SOX13: variants seen among roughly 807,000 people sequenced by gnomAD.
The protein encoded by SOX13 is SRY-box transcription factor 13, also known as transcription factor SOX-13.
A neutral mutation model predicts 71.8 loss-of-function variants in SOX13; 28 were observed. The observed-to-expected ratio is 0.39, with a 90% confidence interval of 0.29 to 0.53. The LOEUF (loss-of-function observed/expected upper bound fraction) is 0.53, where lower values mean the gene tolerates loss of function less well. SOX13 is among the 20% of genes least tolerant of loss of function. The probability of loss-of-function intolerance (pLI) is 0.70; values close to 1 mark genes in which losing one functional copy is unlikely to be tolerated. For synonymous variants in SOX13, 309 were observed against 317.8 expected, an observed-to-expected ratio of 0.97 and a Z score of 0.29; for missense variants, 627 against 810.3, an observed-to-expected ratio of 0.77 and a Z score of 2.75.
At position 204,117,093 on chromosome 1, in the gene SOX13, C is replaced by T. The variant is rs1016238131; in HGVS notation, c.592-29C>T. ...GGGCACCAGGGCTAATGTCCGTGAC[C>T]CCCTCTGCCTACTCTTTCCCTCTCC... On this transcript the variant is annotated intron_variant, in intron 5 of 13. Coordinates refer to ENST00000367204, the MANE Select transcript of SOX13 (RefSeq NM_005686.3). 7.4e-6 allele frequency: 12 copies of T among 1,611,362 alleles called. 1 individual carries two copies. Among genetic ancestry groups the T allele is most frequent in the Non-Finnish European group, 1.0e-5 (12 of 1,177,796 alleles).
chr1:204,126,308 C>T lies in SOX13; in HGVS notation c.*174C>T. 1 of 708,552 alleles carries T rather than the reference C, an allele frequency of 1.4e-6. No homozygotes were observed. The highest frequency in any genetic ancestry group is 1.9e-5 in the South Asian group (1 of 53,450). The allele number at this position is 708,552 out of a possible 1,614,324, so 43.9% of individuals were successfully genotyped here. The stretch of plus-strand genomic sequence containing the variant: ...ATGAGGGGAGAGGCGCCCTCCCTTC[C>T]TGAGGAGCTGTTGGCCTGGGTGGGC... On this transcript the variant is annotated 3_prime_UTR_variant, in exon 14 of 14. Transcript: ENST00000367204.
intron 1 of SOX13, among the ~76,000 whole-genome samples, chr1:204,097,950 T>C (rs1378096207): frequency 2.0e-5 from 3 of 152,030 alleles, no homozygotes; most frequent in Non-Finnish European, 4.4e-5. Flanking sequence ...CACTGCAGCC[T>C]CAACCTCAAG....
At chr1:204,119,844 C>CAA (rs78139704) in intron 7 of SOX13, 8 of 79,130 alleles carry the variant, frequency 1.0e-4, no homozygotes, top group Admixed American at 2.8e-4. Context: ...CCTGTCTCTA[C>CAA]AAAAAAAAAA....
At chr1:204,087,673 A>G (rs1656053436) in intron 1 of SOX13, among the ~76,000 whole-genome samples, 2 of 152,202 alleles carry the variant, frequency 1.3e-5, no homozygotes, top group Admixed American at 1.3e-4. Context: ...TCTTGCTATA[A>G]AGTAAGAATT....
intron 1 of SOX13, among the ~76,000 whole-genome samples, chr1:204,091,382 G>A (rs867594759): frequency 6.6e-5 from 10 of 152,198 alleles, no homozygotes; most frequent in Non-Finnish European, 8.8e-5. Flanking sequence ...GTTCAGGATC[G>A]AGGAATATTG....
At chr1:204,074,067 C>G (rs1655732185) in intron 1 of SOX13, 1 of 152,078 alleles carries the variant, frequency 6.6e-6, no homozygotes. Context: ...CCGCTCCTCG[C>G]CGACCGCAGA....
rs770131591 is a variant in SOX13 at position 204,113,152 on chromosome 1, G to T, written c.219+18G>T. ...GCTCCTGGGTCAGTGTCCCCGCCCT[G>T]CCTCCATCCTCACACCCATGCGCTG... is the stretch of plus-strand genomic sequence containing the variant. On this transcript the variant is annotated intron_variant, in intron 2 of 13. Transcript: ENST00000367204. 15 of 1,513,878 alleles carry T rather than the reference G, an allele frequency of 9.9e-6. 1 individual carries two copies. In the South Asian group the frequency reaches 1.9e-4, roughly 19 times the overall value. The allele number at this position is 1,513,878 out of a possible 1,614,324, so 93.8% of individuals were successfully genotyped here. A position where few individuals can be genotyped will look rare whatever the true frequency, so the allele number is the denominator to read the frequency against.
chr1:204,114,613 C>T lies in SOX13; in HGVS notation c.418+8C>T. On this transcript the variant is annotated splice_region_variant and intron_variant, in intron 4 of 13. Coordinates refer to ENST00000367204, the MANE Select transcript of SOX13 (RefSeq NM_005686.3). ...AAGCCAAAGATGTCAAAGGTGAAGG[C>T]CTGTTGGGGGTGGGGGAGATGTTTG... 1 of 1,603,354 alleles carries T rather than the reference C, an allele frequency of 6.2e-7. No individual in the cohort carries two copies.
At chr1:204,110,343 A>AGC (rs1656555494) in intron 1 of SOX13, among the ~76,000 whole-genome samples, 3 of 143,034 alleles carry the variant, frequency 2.1e-5, no homozygotes, top group African/African-American at 7.6e-5. Flanking sequence ...TGCTCATGCT[A>AGC]ATGGGCAACA....
rs1249306731 is a variant in SOX13, at chr1:204,083,166, G to C, written c.-2+9455G>C. On this transcript the variant is annotated intron_variant, in intron 1 of 13. Transcript: ENST00000367204. The stretch of plus-strand genomic sequence containing the variant: ...CCAGAATTGTGTGTGTAGTGGGGAA[G>C]GGGGTTGTGTGTGAGTGTTGGTGTG... Among the ~76,000 whole-genome samples the C allele has an allele frequency of 3.9e-5, 6 of 152,288 alleles. No individual in the cohort carries two copies. In the South Asian group the frequency reaches 8.3e-4, roughly 21 times the overall value.
At chr1:204,095,786 T>C (rs1656239883) in intron 1 of SOX13, among the ~76,000 whole-genome samples, 1 of 152,186 alleles carries the variant, frequency 6.6e-6, no homozygotes, top group South Asian at 2.1e-4. Context: ...TTTTTCATCT[T>C]CCCAAACTGA....
intron 1 of SOX13, among the ~76,000 whole-genome samples, chr1:204,099,729 C>A (rs1186322539): frequency 6.6e-6 from 1 of 152,006 alleles, no homozygotes; most frequent in Non-Finnish European, 1.5e-5. Context: ...TCAGGTTTTT[C>A]ATCTGTAAAG....
intron 1 of SOX13, among the ~76,000 whole-genome samples, chr1:204,108,603 G>A (rs2102248907): frequency 6.6e-6 from 1 of 152,336 alleles, no homozygotes; most frequent in Non-Finnish European, 1.5e-5. Flanking sequence ...GGAGGCCCCT[G>A]AAGTTGGGAC....
rs542646408 is a variant in SOX13, at chr1:204,075,439, C to G, written c.-2+1728C>G. 2.6e-5 allele frequency among the ~76,000 whole-genome samples: 4 copies of G among 152,378 alleles called. No individual in the cohort carries two copies. The East Asian group carries it at 7.7e-4, about 29-fold the overall frequency. On this transcript the variant is annotated intron_variant, in intron 1 of 13. Coordinates refer to ENST00000367204, the MANE Select transcript of SOX13 (RefSeq NM_005686.3). ...CTGTGCTTCATTAGAAAGCGCTTCA[C>G]AAGATGCTGGGATTCAGCACATTTG...
intron 1 of SOX13, among the ~76,000 whole-genome samples, chr1:204,103,523 A>G (rs965550192): frequency 6.6e-6 from 1 of 152,258 alleles, no homozygotes; most frequent in African/African-American, 2.4e-5. Context: ...AGAGCCTTTC[A>G]CTTAGTGCTT....
rs768790788 is a variant in SOX13 at position 204,117,626 on chromosome 1, T to G, written c.694T>G (p.Phe232Val). ...CATGCCTTATGTCATGATCCCAGCC[T>G]TCCCCCCAAGCCACCAACCTCTGCC... is the stretch of plus-strand genomic sequence containing the variant. ...VNMPYVMIPA[F>V]PPSHQPLPVT... Residue 232 changes from phenylalanine (F) to valine (V), a missense_variant, in exon 7 of 14, where the codon TTC (phenylalanine) becomes GTC (valine). Phe to Val is a conservative substitution (Grantham distance 50). Around this residue, in one of 3 missense-constraint regions of SOX13, gnomAD observed 447 missense variants for 532.2 expected, o/e 0.84. Coordinates refer to ENST00000367204, the MANE Select transcript of SOX13 (RefSeq NM_005686.3). 31 of 1,613,432 alleles carry G rather than the reference T, an allele frequency of 1.9e-5. No homozygotes were observed. Among genetic ancestry groups the G allele is most frequent in the Non-Finnish European group, 2.5e-5 (30 of 1,179,682 alleles).
rs962355610 is a variant in SOX13 at position 204,113,071 on chromosome 1, C to G, written c.156C>G (p.Ala52=). The G allele has an allele frequency of 1.9e-6, 3 of 1,602,558 alleles. No homozygotes were observed. The African/African-American group carries it at 4.0e-5, about 21-fold the overall frequency. ...TAAEPQPGDP[A]RASQDSADPQ... Reference sequence around the variant, plus strand: ...CTGAACCTCAGCCTGGAGACCCAGCCCGGGCCTCCCAGGATAGTGCTGACC... The same window carrying G: ...CTGAACCTCAGCCTGGAGACCCAGCGCGGGCCTCCCAGGATAGTGCTGACC... The change falls in exon 2 of 14, where the codon GCC becomes GCG. Residue 52 remains alanine (A), a synonymous_variant. Coordinates refer to ENST00000367204, the MANE Select transcript of SOX13 (RefSeq NM_005686.3).
chr1:204,117,494 G>T, intron 6 of SOX13, 99 bp from the exon 7 acceptor site: 1 of 762,274 alleles, frequency 1.3e-6, no homozygotes, highest in Admixed American at 2.5e-5. Flanking sequence ...TATCCCCTGT[G>T]CCTCTTGTCC....
Position 204,114,510 on chromosome 1 carries a change from G to A in SOX13, c.332-9G>A. 1 of 1,613,320 alleles carries A rather than the reference G, an allele frequency of 6.2e-7. No homozygotes were observed. The highest frequency in any genetic ancestry group is 8.5e-7 in the Non-Finnish European group (1 of 1,179,270). ...GACGGTTATTCCTCACCCCTTTGCT[G>A]TCTTCCAGTGGTGCCAGCCATAGAG... On this transcript the variant is annotated splice_polypyrimidine_tract_variant and intron_variant, in intron 3 of 13. Transcript: ENST00000367204.
Sources: gnomAD v4.1 joint callset for allele counts (sites outside exome capture counted in the v4.1 genomes callset) on GRCh38, gnomAD v4.1.1 for gene constraint, gnomAD v4.1.1 regional missense constraint, MANE v1.5 for transcripts, NCBI Gene and HGNC (gene_info 2026-07-23, HGNC 2026-07-21) for gene names.